Variants in TNIP3 observed in about 807,000 individuals in gnomAD.
TNIP3 encodes the protein TNFAIP3-interacting protein 3.
Under a neutral mutation model 54.1 loss-of-function variants are expected in TNIP3, and 34 were observed. That is an observed-to-expected ratio of 0.63 (90% CI 0.48 to 0.84). The LOEUF is 0.84. Ranked by LOEUF, TNIP3 falls within the 40% of genes least tolerant of loss-of-function variation. The pLI is 0.00. For synonymous variants in TNIP3, 134 were observed against 136.8 expected (o/e 0.98, Z 0.14); for missense variants, 366 against 387.6 (o/e 0.94, Z 0.47).
intron 7 of TNIP3, 78 bp from the exon 8 acceptor site, chr4:121,142,854 A>G (rs1047610441): frequency 7.8e-7 from 1 of 1,274,098 alleles, no homozygotes; most frequent in African/African-American, 1.5e-5. Flanking sequence ...GACCTACTCA[A>G]GTGTCAGGCA....
At chr4:121,193,877 G>A (rs532332077) in intron 2 of TNIP3, among the ~76,000 whole-genome samples, 2 of 152,164 alleles carry the variant, frequency 1.3e-5, no homozygotes, top group East Asian at 3.9e-4. Flanking sequence ...GGAAACATTA[G>A]CCAAAAGAAA....
chr4:121,213,905 C>G (rs1380879039), intron 2 of TNIP3, among the ~76,000 whole-genome samples: 1 of 152,050 alleles, frequency 6.6e-6, no homozygotes, highest in African/African-American at 2.4e-5. Context: ...CAATATACTT[C>G]AAAACTGTGT....
chr4:121,193,542 C>A (rs547395951), intron 2 of TNIP3, among the ~76,000 whole-genome samples: 103 of 152,144 alleles, frequency 6.8e-4, no homozygotes, highest in Middle Eastern at 6.8e-3. Context: ...ATTAGAAAAT[C>A]ATTATTTGAC....
chr4:121,194,043 T>C (rs1725438823), intron 2 of TNIP3, among the ~76,000 whole-genome samples: 1 of 152,176 alleles, frequency 6.6e-6, no homozygotes, highest in Non-Finnish European at 1.5e-5. Flanking sequence ...GCCTTTTTTA[T>C]GCAAAGGATA....
chr4:121,136,988 A>T (rs981365360), intron 10 of TNIP3, among the ~76,000 whole-genome samples: 80 of 152,232 alleles, frequency 5.3e-4, no homozygotes, highest in African/African-American at 1.9e-3. Flanking sequence ...TCCTAGCTAG[A>T]CAAAAATCAG....
At chr4:121,147,436 G>C (rs998325683) in intron 6 of TNIP3, among the ~76,000 whole-genome samples, 1 of 152,136 alleles carries the variant, frequency 6.6e-6, no homozygotes, top group African/African-American at 2.4e-5. Context: ...CAAGTTTCCA[G>C]ACATAAATTA....
intron 2 of TNIP3, among the ~76,000 whole-genome samples, chr4:121,207,765 G>T (rs890899408): frequency 6.6e-6 from 1 of 152,200 alleles, no homozygotes; most frequent in Non-Finnish European, 1.5e-5. Flanking sequence ...ACTCCTGGAT[G>T]TAGGCCAAAC....
chr4:121,171,599 T>C lies in TNIP3; in HGVS notation c.190-7453A>G, dbSNP rs574264024. 1.8e-3 allele frequency among the ~76,000 whole-genome samples: 280 copies of C among 152,298 alleles called. 2 individuals are homozygous for C. Among genetic ancestry groups the C allele is most frequent in the African/African-American group, 6.1e-3 (254 of 41,570 alleles). ...AGTCAGTGTAACCTGTCCTTACCAC[T>C]TTCACCATCTGCCCCAGAAGAGAAA... On this transcript the variant is annotated intron_variant, in intron 3 of 12. Transcript: ENST00000507879.
chr4:121,142,358 C>T (rs1729169014), intron 8 of TNIP3, among the ~76,000 whole-genome samples: 1 of 152,182 alleles, frequency 6.6e-6, no homozygotes, highest in Admixed American at 6.5e-5. Flanking sequence ...TAGAATGCTT[C>T]AGTGCTCAAG....
At chr4:121,140,495 G>A (rs1161527732) in intron 9 of TNIP3, among the ~76,000 whole-genome samples, 1 of 152,064 alleles carries the variant, frequency 6.6e-6, no homozygotes, top group East Asian at 1.9e-4. Flanking sequence ...TATAGTAGGT[G>A]AATTCCTTCC....
At chr4:121,163,945 A>G in intron 1 of TNIP3, 115 bp downstream of exon 1, 1 of 1,208,862 alleles carries the variant, frequency 8.3e-7, no homozygotes, top group Non-Finnish European at 1.1e-6. Flanking sequence ...AGCAAATCTT[A>G]GCTAAAGAAA....
intron 6 of TNIP3, among the ~76,000 whole-genome samples, chr4:121,148,155 C>T (rs989004432): frequency 6.6e-6 from 1 of 152,184 alleles, no homozygotes; most frequent in East Asian, 1.9e-4. Context: ...TAGAATTAAA[C>T]ACTGGCAACA....
At chr4:121,162,181 T>G (rs1223534946) in intron 1 of TNIP3, among the ~76,000 whole-genome samples, 2 of 152,252 alleles carry the variant, frequency 1.3e-5, no homozygotes, top group South Asian at 2.1e-4. Flanking sequence ...AATTGTTCTT[T>G]GCAATCATCA....
chr4:121,161,102 G>A (rs1006567099), intron 2 of TNIP3, 34 bp downstream of exon 2: 5 of 1,447,400 alleles, frequency 3.5e-6, no homozygotes, highest in Non-Finnish European at 3.8e-6. Flanking sequence ...TTAATCCATG[G>A]CACCTGTGGC....
At chr4:121,219,880 A>T (rs1726959200), upstream of TNIP3, among the ~76,000 whole-genome samples, 1 of 152,214 alleles carries the variant, frequency 6.6e-6, no homozygotes, top group African/African-American at 2.4e-5. Context: ...TTTCTGGGTC[A>T]TACAATTTAC....
intron 10 of TNIP3, among the ~76,000 whole-genome samples, chr4:121,133,500 T>C (rs1728601467): frequency 1.3e-5 from 2 of 152,232 alleles, no homozygotes; most frequent in African/African-American, 2.4e-5. Flanking sequence ...CTAACCAATC[T>C]GAAGTTAACA....
At chr4:121,137,832 A>G (rs1728877063) in intron 10 of TNIP3, 3 of 399,034 alleles carry the variant, frequency 7.5e-6, no homozygotes, top group Admixed American at 2.9e-5. Flanking sequence ...TTGGAAATTA[A>G]CAAGTTAGAG....
At chr4:121,198,908 G>A (rs1200315038) in intron 2 of TNIP3, among the ~76,000 whole-genome samples, 1 of 152,178 alleles carries the variant, frequency 6.6e-6, no homozygotes, top group African/African-American at 2.4e-5. Context: ...AAATAAAAAT[G>A]AAGAATTAGA....
chr4:121,221,878 C>A (rs1727040447), intron 1 of TNIP3, among the ~76,000 whole-genome samples: 1 of 152,156 alleles, frequency 6.6e-6, no homozygotes, highest in African/African-American at 2.4e-5. Flanking sequence ...ACCACAGGTT[C>A]TCTACAGCTC....
Sources: allele counts gnomAD v4.1 joint callset (sites outside exome capture counted in the v4.1 genomes callset), GRCh38; gene constraint gnomAD v4.1.1; transcripts MANE v1.5; gene names NCBI Gene and HGNC (gene_info 2026-07-23, HGNC 2026-07-21).